AKT3: variants seen among roughly 807,000 people sequenced by gnomAD.
AKT3 encodes the protein RAC-gamma serine/threonine-protein kinase.
In AKT3, 15 loss-of-function variants were observed where a neutral mutation model predicts 65.3. The observed-to-expected ratio is 0.23, with a 90% confidence interval of 0.15 to 0.35. The LOEUF is 0.35. Ranked by LOEUF, AKT3 falls within the 10% of genes least tolerant of loss-of-function variation. The pLI is 1.00. For synonymous variants in AKT3, 206 were observed against 183.8 expected, an observed-to-expected ratio of 1.12 and a Z score of -0.98; for missense variants, 243 against 576.5, an observed-to-expected ratio of 0.42 and a Z score of 5.92.
At chr1:243,555,007 A>T (rs980909081) in intron 10 of AKT3, among the ~76,000 whole-genome samples, 1 of 152,170 alleles carries the variant, frequency 6.6e-6, no homozygotes, top group African/African-American at 2.4e-5. Context: ...ATTGTAAAAA[A>T]ATCTGTTTGA....
intron 12 of AKT3, among the ~76,000 whole-genome samples, chr1:243,532,237 C>T (rs10927033): frequency 2.0e-5 from 3 of 152,020 alleles, no homozygotes; most frequent in Non-Finnish European, 4.4e-5. Flanking sequence ...ATAATGTGAG[C>T]TGAGGGTTTT....
intron 2 of AKT3, among the ~76,000 whole-genome samples, chr1:243,707,079 T>C (rs899959953): frequency 6.6e-6 from 1 of 152,118 alleles, no homozygotes; most frequent in Non-Finnish European, 1.5e-5. Context: ...GTAAAGCATG[T>C]AGAACAACAT....
intron 2 of AKT3, among the ~76,000 whole-genome samples, chr1:243,781,708 A>C (rs912143637): frequency 6.6e-6 from 1 of 152,172 alleles, no homozygotes; most frequent in African/African-American, 2.4e-5. Flanking sequence ...AGTATCTATT[A>C]CTTTTTAAGT....
chr1:243,768,406 T>C (rs904383558), intron 2 of AKT3, among the ~76,000 whole-genome samples: 3 of 152,192 alleles, frequency 2.0e-5, no homozygotes, highest in Admixed American at 1.3e-4. Context: ...CAGGTCTCTG[T>C]TGAAATATTA....
At chr1:243,703,037 A>T (rs1685564264) in intron 2 of AKT3, 1 of 152,216 alleles carries the variant, frequency 6.6e-6, no homozygotes. Flanking sequence ...TTCATGAGCC[A>T]ATTTTTACCT....
intron 5 of AKT3, among the ~76,000 whole-genome samples, chr1:243,643,607 C>T (rs1680599514): frequency 6.6e-6 from 1 of 152,166 alleles, no homozygotes; most frequent in South Asian, 2.1e-4. Flanking sequence ...TTACACCCAA[C>T]ATCCTTCCTT....
intron 4 of AKT3, among the ~76,000 whole-genome samples, chr1:243,651,252 A>T (rs932190647): frequency 6.6e-6 from 1 of 152,166 alleles, no homozygotes; most frequent in African/African-American, 2.4e-5. Context: ...TTGTATCCTG[A>T]GACTTTGCCG....
rs1284831197 is a variant in AKT3, at chr1:243,620,201, C to T, written c.562-5040G>A. Among the ~76,000 whole-genome samples, 2 of 98,282 alleles carry T rather than the reference C, an allele frequency of 2.0e-5. 1 individual carries two copies. Among genetic ancestry groups the T allele is most frequent in the Non-Finnish European group, 5.7e-5 (2 of 35,192 alleles). 64.5% of individuals were successfully genotyped at this position (98,282 alleles called of 152,430 possible). A position where few individuals can be genotyped will look rare whatever the true frequency, so the allele number is the denominator to read the frequency against. ...ATAAGTGTCTGACAGTTCCTCTTCACACACTCGCCCTTTCTTCGCCTGATA... is the reference window on the plus strand; with the variant it reads ...ATAAGTGTCTGACAGTTCCTCTTCATACACTCGCCCTTTCTTCGCCTGATA... On this transcript the variant is annotated intron_variant, in intron 6 of 13. Transcript: ENST00000673466.
intron 2 of AKT3, among the ~76,000 whole-genome samples, chr1:243,725,040 CAA>C (rs76839576): frequency 1.3e-4 from 16 of 126,824 alleles, no homozygotes; most frequent in Admixed American, 1.6e-4. Flanking sequence ...TTGTCTAGAC[CAA>C]AAAAAAAAAA....
In AKT3 at chr1:243,850,039, CCTGCAA is replaced by C; in HGVS notation, c.-118_-113del. On this transcript the variant is annotated splice_region_variant and 5_prime_UTR_variant, in exon 1 of 14. Coordinates refer to ENST00000673466, the MANE Select transcript of AKT3 (RefSeq NM_005465.7). ...CTAGAGTTGGGGGCGGTGGCTGTTA[CCTGCAA>C]CGGCGGCGGCGGCGGTGGCGGCCCC... 1 of 985,744 alleles carries C rather than the reference CCTGCAA, an allele frequency of 1.0e-6. No homozygotes were observed. Among genetic ancestry groups the C allele is most frequent in the Non-Finnish European group, 1.2e-6 (1 of 831,612 alleles). The allele number at this position is 985,744 out of a possible 1,614,324, so 61.1% of individuals were successfully genotyped here.
intron 2 of AKT3, among the ~76,000 whole-genome samples, chr1:243,740,551 C>G (rs1252068063): frequency 6.6e-6 from 1 of 152,188 alleles, no homozygotes; most frequent in Non-Finnish European, 1.5e-5. Context: ...CAGCAAACTA[C>G]AAAAGGCTGA....
intron 2 of AKT3, among the ~76,000 whole-genome samples, chr1:243,725,970 T>C (rs1687183499): frequency 6.6e-6 from 1 of 152,208 alleles, no homozygotes; most frequent in Non-Finnish European, 1.5e-5. Flanking sequence ...CTAGGAAAGC[T>C]ACTGGCCTTT....
chr1:243,644,394 C>T (rs1680655161), intron 5 of AKT3, among the ~76,000 whole-genome samples: 1 of 152,090 alleles, frequency 6.6e-6, no homozygotes, highest in Admixed American at 6.6e-5. Context: ...GAGTTCAGAT[C>T]TTACTGCCTG....
chr1:243,797,370 G>A (rs1425751430), intron 2 of AKT3, among the ~76,000 whole-genome samples: 2 of 152,008 alleles, frequency 1.3e-5, no homozygotes, highest in Non-Finnish European at 2.9e-5. Context: ...TACAGAGTAG[G>A]CACCTGGGAT....
At chr1:243,658,757 T>A (rs572998891) in intron 4 of AKT3, among the ~76,000 whole-genome samples, 1 of 151,900 alleles carries the variant, frequency 6.6e-6, no homozygotes, top group African/African-American at 2.4e-5. Flanking sequence ...AGAAAATGTA[T>A]TGGCCGGCAG....
intron 2 of AKT3, among the ~76,000 whole-genome samples, chr1:243,828,065 A>AAACAACAACAACAAC (rs60497718): frequency 6.6e-6 from 1 of 150,604 alleles, no homozygotes; most frequent in Non-Finnish European, 1.5e-5. Context: ...AATGTTTTAA[A>AAACAACAACAACAAC]AACAACAACA....
chr1:243,836,397 T>C (rs2148461716), intron 2 of AKT3, among the ~76,000 whole-genome samples: 1 of 149,466 alleles, frequency 6.7e-6, no homozygotes, highest in Admixed American at 6.6e-5. Context: ...ATTAAAAAGG[T>C]AGGACTAAAG....
chr1:243,637,099 A>G (rs1029518408), intron 6 of AKT3, among the ~76,000 whole-genome samples: 1 of 152,092 alleles, frequency 6.6e-6, no homozygotes, highest in Non-Finnish European at 1.5e-5. Context: ...TTAACATGTT[A>G]TTTATTTAAA....
intron 2 of AKT3, among the ~76,000 whole-genome samples, chr1:243,827,635 T>C (rs1694251605): frequency 6.6e-6 from 1 of 152,252 alleles, no homozygotes; most frequent in Non-Finnish European, 1.5e-5. Context: ...ACCAAAGAAT[T>C]AAAATATGAC....
Sources: allele counts gnomAD v4.1 joint callset (sites outside exome capture counted in the v4.1 genomes callset), GRCh38; gene constraint gnomAD v4.1.1; transcripts MANE v1.5; gene names NCBI Gene and HGNC (gene_info 2026-07-23, HGNC 2026-07-21).